Variants in CELF2 observed in about 807,000 individuals in gnomAD.
CELF2 encodes the protein CUGBP Elav-like family member 2, also known as CUG triplet repeat RNA-binding protein 2.
Under a neutral mutation model 62.6 loss-of-function variants are expected in CELF2, and 8 were observed. That is an observed-to-expected ratio of 0.13 (90% CI 0.07 to 0.23). The LOEUF (loss-of-function observed/expected upper bound fraction) is 0.23, where lower values mean the gene tolerates loss of function less well. CELF2 is among the 10% of genes least tolerant of loss of function. The pLI, the probability that CELF2 is intolerant of heterozygous loss-of-function variation, is 1.00. For synonymous variants in CELF2, 258 were observed against 250.0 expected, an observed-to-expected ratio of 1.03 and a Z score of -0.30; for missense variants, 333 against 671.0, an observed-to-expected ratio of 0.50 and a Z score of 5.56.
the CELF2 span, among the ~76,000 whole-genome samples, chr10:10,601,795 A>G: frequency 6.6e-6 from 1 of 151,526 alleles, no homozygotes; most frequent in African/African-American, 2.4e-5. Flanking sequence ...ACACAGTTCA[A>G]CGTGTGCCAT....
chr10:10,483,214 C>CAAA, the CELF2 span, among the ~76,000 whole-genome samples: 15 of 93,362 alleles, frequency 1.6e-4, no homozygotes, highest in African/African-American at 1.6e-4. Context: ...GGCAGAATAC[C>CAAA]AAAAAAAAAA....
intron 2 of CELF2, among the ~76,000 whole-genome samples, chr10:10,930,963 T>G (rs541646421): frequency 9.3e-4 from 142 of 152,350 alleles, no homozygotes; most frequent in Middle Eastern, 3.4e-3. Flanking sequence ...AGAGTTTCTG[T>G]GCCTGCCCAA....
At position 11,224,171 on chromosome 10, in the gene CELF2, C is replaced by T. The variant is rs901147121; in HGVS notation, c.354+6664C>T. Among the ~76,000 whole-genome samples, 1 of 152,198 alleles carries T rather than the reference C, an allele frequency of 6.6e-6. No homozygotes were observed. Among genetic ancestry groups the T allele is most frequent in the East Asian group, 1.9e-4 (1 of 5,202 alleles). ...GGAATAGCCACACCACTTTTGGCCTCAGAACCCAGTGGAAGGCAATGTTTA... is the reference window on the plus strand; with the variant it reads ...GGAATAGCCACACCACTTTTGGCCTTAGAACCCAGTGGAAGGCAATGTTTA... On this transcript the variant is annotated intron_variant, in intron 3 of 12. Coordinates refer to ENST00000633077, the MANE Select transcript of CELF2 (RefSeq NM_001326342.2). This position sits in a 1 kb window ranked among gnomAD's most constrained non-coding sequence, Gnocchi z 4.5.
the CELF2 span, among the ~76,000 whole-genome samples, chr10:10,543,791 A>G: frequency 2.6e-5 from 4 of 151,842 alleles, no homozygotes; most frequent in African/African-American, 7.3e-5. Context: ...AAAGCAGTAG[A>G]CTATAATGCC....
the CELF2 span, among the ~76,000 whole-genome samples, chr10:10,618,789 G>T: frequency 7.2e-5 from 11 of 152,204 alleles, no homozygotes; most frequent in South Asian, 4.2e-4. Context: ...TGATAGGCAA[G>T]AGAAAGAGAA....
At chr10:11,025,762 A>T (rs1222856402) in intron 1 of CELF2, among the ~76,000 whole-genome samples, 1 of 152,256 alleles carries the variant, frequency 6.6e-6, no homozygotes, top group Non-Finnish European at 1.5e-5. Context: ...GAAAGACTTT[A>T]TGTTCAGAAA....
chr10:11,016,794 T>C (rs1227640499), upstream of CELF2, among the ~76,000 whole-genome samples: 1 of 152,250 alleles, frequency 6.6e-6, no homozygotes, highest in Non-Finnish European at 1.5e-5. The surrounding 1 kb of genome is among the most constrained non-coding windows in gnomAD (Gnocchi z 5.2). Flanking sequence ...ACCATGTGTG[T>C]GTGCGTGTAT....
At chr10:11,097,122 T>C (rs2050111187) in intron 1 of CELF2, among the ~76,000 whole-genome samples, 12 of 152,192 alleles carry the variant, frequency 7.9e-5, no homozygotes, top group Admixed American at 7.2e-4. Context: ...AATTTCCAAA[T>C]CTTTTTTTAG....
the CELF2 span, among the ~76,000 whole-genome samples, chr10:10,749,557 A>G: frequency 6.6e-6 from 1 of 152,218 alleles, no homozygotes; most frequent in Non-Finnish European, 1.5e-5. Context: ...GGAAGGGTGA[A>G]TAGTATAGAG....
chr10:11,047,413 A>G (rs1036255952), intron 1 of CELF2, among the ~76,000 whole-genome samples: 1 of 152,180 alleles, frequency 6.6e-6, no homozygotes, highest in Non-Finnish European at 1.5e-5. Flanking sequence ...ATAAACAGGT[A>G]TCTTTAATTC....
At chr10:10,921,454 A>T (rs2064902086) in intron 2 of CELF2, among the ~76,000 whole-genome samples, 1 of 149,390 alleles carries the variant, frequency 6.7e-6, no homozygotes, top group African/African-American at 2.5e-5. Context: ...TTTTTAGTAG[A>T]GATGGGGTTT....
chr10:10,934,680 G>C lies in CELF2; in HGVS notation c.89+14681G>C, dbSNP rs2066444590. On this transcript the variant is annotated intron_variant, in intron 2 of 13. Coordinates refer to the CELF2 transcript ENST00000636488. The surrounding 1 kb of genome is among the most constrained non-coding windows in gnomAD (Gnocchi z 4.4). ...GGAAGAGGCATTCATTGGAAATGCA[G>C]AGCTAGAAAGAGGGTTGTTTTTTAC... The C allele has an allele frequency of 6.6e-6, 1 of 152,222 alleles. No individual in the cohort carries two copies. The highest frequency in any genetic ancestry group is 2.4e-5 in the African/African-American group (1 of 41,452). 9.4% of individuals were successfully genotyped at this position (152,222 alleles called of 1,614,324 possible).
the CELF2 span, among the ~76,000 whole-genome samples, chr10:10,598,486 C>T: frequency 3.9e-5 from 6 of 152,178 alleles, no homozygotes; most frequent in Non-Finnish European, 5.9e-5. Context: ...CATCCTGCAA[C>T]GGAGCGTGGC....
chr10:11,024,159 A>G (rs1003968491), intron 1 of CELF2, among the ~76,000 whole-genome samples: 1 of 152,200 alleles, frequency 6.6e-6, no homozygotes, highest in Non-Finnish European at 1.5e-5. Flanking sequence ...AAATGAAGAA[A>G]TCTATTCTGA....
upstream of CELF2, among the ~76,000 whole-genome samples, chr10:11,001,965 C>T (rs1460794235): frequency 2.0e-5 from 3 of 152,144 alleles, no homozygotes; most frequent in Admixed American, 1.3e-4. Flanking sequence ...TGCTTTGATA[C>T]TAGTATCCAA....
At chr10:11,106,380 G>A (rs1392594961) in intron 1 of CELF2, among the ~76,000 whole-genome samples, 4 of 152,110 alleles carry the variant, frequency 2.6e-5, no homozygotes, top group Non-Finnish European at 5.9e-5. Flanking sequence ...GGGATTACAG[G>A]CATGCACCAC....
chr10:10,581,337 T>G, the CELF2 span, among the ~76,000 whole-genome samples: 4 of 152,204 alleles, frequency 2.6e-5, no homozygotes, highest in Non-Finnish European at 5.9e-5. Flanking sequence ...GAAAGCTAAG[T>G]TGAAAACTGC....
the CELF2 span, among the ~76,000 whole-genome samples, chr10:10,760,232 C>G: frequency 1.3e-5 from 2 of 152,240 alleles, no homozygotes; most frequent in Non-Finnish European, 1.5e-5. Flanking sequence ...GTTGTCTTGA[C>G]TCTTACCTTT....
chr10:10,736,286 G>T, the CELF2 span, among the ~76,000 whole-genome samples: 1 of 152,040 alleles, frequency 6.6e-6, no homozygotes, highest in East Asian at 1.9e-4. Flanking sequence ...CCACTCTCTA[G>T]CTTAGGTGTT....
Sources: allele counts gnomAD v4.1 joint callset (sites outside exome capture counted in the v4.1 genomes callset), GRCh38; gene constraint gnomAD v4.1.1; non-coding constraint Gnocchi (gnomAD v3.1); transcripts MANE v1.5; gene names NCBI Gene and HGNC (gene_info 2026-07-23, HGNC 2026-07-21).